The following GRIA2 variants were observed in gnomAD, a reference collection of about 807,000 sequenced individuals.
GRIA2 encodes the protein glutamate receptor 2.
Under a neutral mutation model 97.3 loss-of-function variants are expected in GRIA2, and 14 were observed. The observed-to-expected ratio is 0.14, with a 90% CI of 0.10 to 0.23. GRIA2 has a LOEUF of 0.23. Ranked by LOEUF, GRIA2 falls within the 10% of genes least tolerant of loss-of-function variation. The pLI, the probability that GRIA2 is intolerant of heterozygous loss-of-function variation, is 1.00. For synonymous variants in GRIA2, 412 were observed against 387.8 expected (o/e 1.06, Z -0.73); for missense variants, 558 against 1,069.8 (o/e 0.52, Z 6.67).
intron 2 of GRIA2, among the ~76,000 whole-genome samples, chr4:157,231,387 G>A (rs545902009): frequency 6.6e-6 from 1 of 152,164 alleles, no homozygotes; most frequent in South Asian, 2.1e-4. Flanking sequence ...ATGTTGATCA[G>A]GCTGCTCTTG....
rs140680582 is a variant in GRIA2 at position 157,309,071 on chromosome 4, C to T, written c.470-3608C>T. Among the ~76,000 whole-genome samples the T allele has an allele frequency of 2.7e-3, 406 of 152,158 alleles. 4 individuals carry two copies. Among genetic ancestry groups the T allele is most frequent in the African/African-American group, 9.2e-3 (382 of 41,518 alleles). ...TGAATGGTGGTCTCTTCAAATTACACGTCAGATAATGCAATCACTTGTGAA... is the reference window on the plus strand; with the variant it reads ...TGAATGGTGGTCTCTTCAAATTACATGTCAGATAATGCAATCACTTGTGAA... On this transcript the variant is annotated intron_variant, in intron 3 of 15. Transcript: ENST00000264426.
Position 157,363,623 on chromosome 4 carries a change from T to C in GRIA2, c.*192T>C. On this transcript the variant is annotated 3_prime_UTR_variant, in exon 16 of 16. Coordinates refer to ENST00000264426, the MANE Select transcript of GRIA2 (RefSeq NM_001083619.3). The stretch of plus-strand genomic sequence containing the variant: ...GATTGATAAGAACCTTTTGAGTGCC[T>C]TACACAATGGTTTTCTTGTGTGTTT... 1 of 1,208,072 alleles carries C rather than the reference T, an allele frequency of 8.3e-7. No homozygotes were observed. The highest frequency in any genetic ancestry group is 1.0e-6 in the Non-Finnish European group (1 of 964,424). The allele number at this position is 1,208,072 out of a possible 1,614,324, so 74.8% of individuals were successfully genotyped here.
Position 157,341,278 on chromosome 4 carries a change from G to A in GRIA2, c.1859G>A (p.Arg620His). ...CDISPRSLSG[R>H]IVGGVWWFFT... ...CTTGTTATTAGATCCCTCTCTGGGC[G>A]CATTGTTGGAGGTGTGTGGTGGTTC... Residue 620 changes from arginine to histidine, a missense_variant, in exon 12 of 16, where the codon CGC becomes CAC. Physicochemically the swap from Arg to His is conservative, Grantham distance 29. Coordinates refer to ENST00000264426, the MANE Select transcript of GRIA2 (RefSeq NM_001083619.3). 1 of 1,610,056 alleles carries A rather than the reference G, an allele frequency of 6.2e-7. No homozygotes were observed. Among genetic ancestry groups the A allele is most frequent in the Non-Finnish European group, 8.5e-7 (1 of 1,176,746 alleles).
chr4:157,337,701 A>C (rs1735349735), intron 11 of GRIA2, among the ~76,000 whole-genome samples: 1 of 151,846 alleles, frequency 6.6e-6, no homozygotes, highest in Non-Finnish European at 1.5e-5. Context: ...TGAGAATAAC[A>C]AGTGATTAAT....
intron 2 of GRIA2, among the ~76,000 whole-genome samples, chr4:157,227,571 A>C (rs1560999972): frequency 6.6e-6 from 1 of 152,178 alleles, no homozygotes; most frequent in Non-Finnish European, 1.5e-5. Context: ...TGTCCTTTAA[A>C]CATTTTCTTA....
At chr4:157,232,330 A>G (rs1166439176) in intron 2 of GRIA2, among the ~76,000 whole-genome samples, 2 of 152,260 alleles carry the variant, frequency 1.3e-5, no homozygotes, top group African/African-American at 4.8e-5. Flanking sequence ...GGAGCTCTCT[A>G]TAAGGGTGTG....
At chr4:157,227,552 A>T (rs1729803765) in intron 2 of GRIA2, among the ~76,000 whole-genome samples, 1 of 152,196 alleles carries the variant, frequency 6.6e-6, no homozygotes, top group Non-Finnish European at 1.5e-5. Flanking sequence ...CTAAATTGAG[A>T]TAGAGAACTG....
At chr4:157,326,707 T>G (rs1030338972) in intron 6 of GRIA2, among the ~76,000 whole-genome samples, 1 of 152,298 alleles carries the variant, frequency 6.6e-6, no homozygotes, top group East Asian at 1.9e-4. Flanking sequence ...TATAAATATT[T>G]CCATAAGGCT....
chr4:157,359,538 A>G (rs149387787), intron 12 of GRIA2, among the ~76,000 whole-genome samples: 219 of 152,254 alleles, frequency 1.4e-3, no homozygotes, highest in African/African-American at 5.1e-3. Context: ...ACCATTTAGG[A>G]TTTGGGCAGC....
At chr4:157,294,765 T>A (rs548460631) in intron 2 of GRIA2, among the ~76,000 whole-genome samples, 1 of 152,224 alleles carries the variant, frequency 6.6e-6, no homozygotes, top group Non-Finnish European at 1.5e-5. Context: ...AGCACACAGC[T>A]GGCTGGTGTC....
chr4:157,359,116 T>C (rs879371159), intron 12 of GRIA2, among the ~76,000 whole-genome samples: 1 of 152,194 alleles, frequency 6.6e-6, no homozygotes, highest in East Asian at 1.9e-4. Flanking sequence ...TGAGTCTGAA[T>C]AGGAAGTATT....
chr4:157,351,825 G>T (rs1351430598), intron 12 of GRIA2, among the ~76,000 whole-genome samples: 2 of 152,146 alleles, frequency 1.3e-5, no homozygotes, highest in Non-Finnish European at 2.9e-5. Context: ...TGTGAAGAAG[G>T]TGCCTTGCTT....
At chr4:157,247,793 A>G (rs571334124) in intron 2 of GRIA2, among the ~76,000 whole-genome samples, 2 of 152,262 alleles carry the variant, frequency 1.3e-5, no homozygotes, top group African/African-American at 4.8e-5. Flanking sequence ...AGGAAGGGAC[A>G]TGTGCAAGAA....
At chr4:157,331,691 G>T (rs1264110169) in intron 6 of GRIA2, among the ~76,000 whole-genome samples, 1 of 151,938 alleles carries the variant, frequency 6.6e-6, no homozygotes, top group Admixed American at 6.6e-5. Flanking sequence ...GAGCTTAGTG[G>T]TTTTACTGTT....
intron 2 of GRIA2, among the ~76,000 whole-genome samples, chr4:157,247,923 C>T (rs980264428): frequency 5.9e-5 from 9 of 152,058 alleles, no homozygotes; most frequent in African/African-American, 9.6e-5. Flanking sequence ...ACAAGACAGA[C>T]GCCTAATCTT....
chr4:157,273,477 T>C (rs188979634), intron 2 of GRIA2, among the ~76,000 whole-genome samples: 1 of 152,142 alleles, frequency 6.6e-6, no homozygotes, highest in East Asian at 1.9e-4. Context: ...AGGGCTTCAA[T>C]GGCAAAAGTA....
At chr4:157,311,273 T>C (rs1360351527) in intron 3 of GRIA2, among the ~76,000 whole-genome samples, 1 of 152,064 alleles carries the variant, frequency 6.6e-6, no homozygotes, top group African/African-American at 2.4e-5. Context: ...TAAAACATAA[T>C]TTCATAGATT....
chr4:157,301,657 C>G (rs182764145), intron 2 of GRIA2, among the ~76,000 whole-genome samples: 1 of 152,214 alleles, frequency 6.6e-6, no homozygotes, highest in South Asian at 2.1e-4. Context: ...TAGCAATGCT[C>G]GTATTCATGA....
chr4:157,321,132 G>T (rs1281371811), intron 5 of GRIA2, among the ~76,000 whole-genome samples: 1 of 152,072 alleles, frequency 6.6e-6, no homozygotes, highest in Non-Finnish European at 1.5e-5. Flanking sequence ...GTAAAACCTA[G>T]TCCTTATCAA....
Sources: allele counts gnomAD v4.1 joint callset (sites outside exome capture counted in the v4.1 genomes callset), GRCh38; gene constraint gnomAD v4.1.1; transcripts MANE v1.5; gene names NCBI Gene and HGNC (gene_info 2026-07-23, HGNC 2026-07-21).